The following OR1M1 variants were observed in gnomAD, a reference collection of about 807,000 sequenced individuals.
OR1M1 encodes olfactory receptor family 1 subfamily M member 1.
For missense variants in OR1M1, 397 were observed against 401.8 expected, an observed-to-expected ratio of 0.99 and a Z score of 0.10; for synonymous variants, 157 against 165.5, an observed-to-expected ratio of 0.95 and a Z score of 0.39.
At chr19:9,092,038 A>G (rs541840673) in intron 1 of OR1M1, among the ~76,000 whole-genome samples, 3 of 132,256 alleles carry the variant, frequency 2.3e-5, no homozygotes, top group Non-Finnish European at 3.1e-5. Flanking sequence ...CCTCCCGAGT[A>G]CTTGGAACTA....
At chr19:9,091,035 T>G (rs371728399) in intron 1 of OR1M1, among the ~76,000 whole-genome samples, 148 of 151,790 alleles carry the variant, frequency 9.8e-4, no homozygotes, top group African/African-American at 3.3e-3. Context: ...GGCGTGGTGG[T>G]GGGCGCCTGT....
At chr19:9,092,589 C>T (rs2050299310) in intron 1 of OR1M1, among the ~76,000 whole-genome samples, 1 of 152,082 alleles carries the variant, frequency 6.6e-6, no homozygotes, top group African/African-American at 2.4e-5. Context: ...GGTGACACAG[C>T]AAGACCCTGT....
In OR1M1 at chr19:9,094,229, C is replaced by A; in HGVS notation, c.*43C>A. The A allele has an allele frequency of 8.2e-7, 1 of 1,223,874 alleles. No individual in the cohort carries two copies. Among genetic ancestry groups the A allele is most frequent in the Non-Finnish European group, 1.2e-6 (1 of 867,546 alleles). 75.8% of individuals were successfully genotyped at this position (1,223,874 alleles called of 1,614,324 possible). A position where few individuals can be genotyped will look rare whatever the true frequency, so the allele number is the denominator to read the frequency against. On this transcript the variant is annotated 3_prime_UTR_variant, in exon 2 of 2. Transcript: ENST00000641627. The stretch of plus-strand genomic sequence containing the variant: ...CTTCTGGGGGGTAGAATATATACAT[C>A]TGGGAGTCTTGGGCTAACATCTGGA...
chr19:9,088,065 AT>A (rs957423565), intron 1 of OR1M1, among the ~76,000 whole-genome samples: 17 of 151,706 alleles, frequency 1.1e-4, no homozygotes, highest in Middle Eastern at 6.9e-3. Flanking sequence ...TAATTTTTGT[AT>A]TTTTAGTGGA....
rs1267416406 is a variant in OR1M1, at chr19:9,094,134, T to A, written c.890T>A (p.Leu297Gln). 17 of 1,613,074 alleles carry A rather than the reference T, an allele frequency of 1.1e-5. No individual in the cohort carries two copies. The East Asian group carries it at 3.3e-4, about 32-fold the overall frequency. Residue 297 changes from leucine to glutamine, a missense_variant, in exon 2 of 2, where the codon CTG becomes CAG. Physicochemically the swap from Leu to Gln is moderately radical, Grantham distance 113. Coordinates refer to ENST00000641627, the MANE Select transcript of OR1M1 (RefSeq NM_001004456.2). ...ATCTACAGCTTGAGGAACAGAGACC[T>A]GAAAGGGGCTCTCAGGAAGCTGGTC... The part of the protein sequence containing the change: ...PFIYSLRNRD[L>Q]KGALRKLVNR...
chr19:9,093,576 A>G lies in OR1M1; in HGVS notation c.332A>G (p.Asp111Gly), dbSNP rs1026943324. The change falls in exon 2 of 2, where the codon GAC becomes GGC. Residue 111 changes from aspartate to glycine, a missense_variant. Physicochemically the swap from Asp to Gly is moderately conservative, Grantham distance 94. Transcript: ENST00000641627. Reference sequence around the variant, plus strand: ...TTCTTCCATTTCTTTGGCATCGTGGACAGCGTCATAATCGCCATGATGGCT... The same window carrying G: ...TTCTTCCATTTCTTTGGCATCGTGGGCAGCGTCATAATCGCCATGATGGCT... ...MYFFHFFGIV[D>G]SVIIAMMAYD... The G allele has an allele frequency of 5.6e-6, 9 of 1,614,140 alleles. No homozygotes were observed. The highest frequency in any genetic ancestry group is 6.8e-6 in the Non-Finnish European group (8 of 1,180,036).
chr19:9,087,873 T>C (rs1193800797), intron 1 of OR1M1, among the ~76,000 whole-genome samples: 1 of 152,014 alleles, frequency 6.6e-6, no homozygotes, highest in African/African-American at 2.4e-5. Flanking sequence ...TGATTATTTG[T>C]AGCACTGTTT....
At chr19:9,090,780 GC>G (rs2050288057) in intron 1 of OR1M1, among the ~76,000 whole-genome samples, 1 of 152,002 alleles carries the variant, frequency 6.6e-6, no homozygotes, top group East Asian at 1.9e-4. Flanking sequence ...CATGAGGCTA[GC>G]TTAAGATTAG....
Position 9,093,918 on chromosome 19 carries a change from T to C in OR1M1, c.674T>C (p.Ile225Thr), listed in dbSNP as rs907677738. Residue 225 changes from isoleucine to threonine, a missense_variant, in exon 2 of 2, where the codon ATC becomes ACC. By Grantham distance (89) the Ile-to-Thr change is moderately conservative. Coordinates refer to ENST00000641627, the MANE Select transcript of OR1M1 (RefSeq NM_001004456.2). ...TCCTATGCTCGCATCCTTGTGGCCA[T>C]CATGAAGGTCCCCTCTGCAGGCGGC... ...LASYARILVA[I>T]MKVPSAGGRK... 6.2e-7 allele frequency: 1 copy of C among 1,614,152 alleles called. No homozygotes were observed.
At chr19:9,091,863 T>C (rs1037241345) in intron 1 of OR1M1, among the ~76,000 whole-genome samples, 3 of 151,952 alleles carry the variant, frequency 2.0e-5, no homozygotes, top group African/African-American at 7.3e-5. Flanking sequence ...GAGTTTGCCA[T>C]GTCAGGAAGA....
chr19:9,089,100 T>C (rs1244429493), intron 1 of OR1M1, among the ~76,000 whole-genome samples: 1 of 152,190 alleles, frequency 6.6e-6, no homozygotes, highest in African/African-American at 2.4e-5. Context: ...TATTGTTAAC[T>C]GTATTCATCC....
Position 9,093,515 on chromosome 19 carries a change from G to T in OR1M1, c.271G>T (p.Ala91Ser). The T allele has an allele frequency of 1.9e-6, 3 of 1,614,042 alleles. No individual in the cohort carries two copies. Among genetic ancestry groups the T allele is most frequent in the Non-Finnish European group, 2.5e-6 (3 of 1,180,024 alleles). ...MLVSLQTGSK[A>S]ISYPCCLIQM... ...GGTGAGCCTTCAAACCGGGAGCAAG[G>T]CCATCTCTTATCCCTGCTGCCTGAT... Residue 91 changes from alanine (A) to serine (S), a missense_variant, in exon 2 of 2, where the codon GCC (alanine) becomes TCC (serine). Coordinates refer to ENST00000641627, the MANE Select transcript of OR1M1 (RefSeq NM_001004456.2).
rs572607972 is a variant in OR1M1 at position 9,093,109 on chromosome 19, C to CACACACAT, written c.-13-122_-13-121insCACACATA. ...ACACACACACACACACACACACACACATATATATATATACACATCTGGTCT... is the reference window on the plus strand; with the variant it reads ...ACACACACACACACACACACACACACACACACATATATATATATATACACATCTGGTCT... On this transcript the variant is annotated intron_variant, in intron 1 of 1. Transcript: ENST00000641627. 2,560 of 490,218 alleles carry CACACACAT rather than the reference C, an allele frequency of 5.2e-3. 6 individuals are homozygous for CACACACAT. Among genetic ancestry groups the CACACACAT allele is most frequent in the Non-Finnish European group, 6.8e-3 (1,879 of 276,400 alleles). The allele number at this position is 490,218 out of a possible 1,614,324, so 30.4% of individuals were successfully genotyped here.
At chr19:9,090,494 C>T (rs898483481) in intron 1 of OR1M1, among the ~76,000 whole-genome samples, 1 of 152,136 alleles carries the variant, frequency 6.6e-6, no homozygotes, top group African/African-American at 2.4e-5. Context: ...GAGTTTCGCT[C>T]TTGCTGCCCA....
intron 1 of OR1M1, among the ~76,000 whole-genome samples, chr19:9,092,831 G>A (rs1227771724): frequency 6.6e-6 from 1 of 151,518 alleles, no homozygotes; most frequent in Non-Finnish European, 1.5e-5. Flanking sequence ...AACCCAGGAG[G>A]CAGAGGTTGC....
Position 9,093,370 on chromosome 19 carries a change from C to A in OR1M1, c.126C>A (p.Asn42Lys), listed in dbSNP as rs950013125. Residue 42 changes from asparagine to lysine, a missense_variant, in exon 2 of 2, where the codon AAC becomes AAA. Asn to Lys is a moderately conservative substitution (Grantham distance 94). Coordinates refer to ENST00000641627, the MANE Select transcript of OR1M1 (RefSeq NM_001004456.2). ...FCMYLVMVVG[N>K]LLIILAISID... ...TGTACCTGGTCATGGTCGTGGGGAA[C>A]CTGCTCATCATCCTGGCCATCAGCA... 6.2e-7 allele frequency: 1 copy of A among 1,613,958 alleles called. No individual in the cohort carries two copies. Among genetic ancestry groups the A allele is most frequent in the South Asian group, 1.1e-5 (1 of 91,080 alleles).
In OR1M1 at chr19:9,093,660, G is replaced by A. The variant is rs772434948; in HGVS notation, c.416G>A (p.Arg139His). 17 of 1,613,982 alleles carry A rather than the reference G, an allele frequency of 1.1e-5. No homozygotes were observed. Among genetic ancestry groups the A allele is most frequent in the Admixed American group, 1.7e-5 (1 of 59,996 alleles). Residue 139 changes from arginine to histidine, a missense_variant, in exon 2 of 2, where the codon CGC becomes CAC. Transcript: ENST00000641627. Reference sequence around the variant, plus strand: ...CACTACGCCAAGATCATGAGCCTACGCCTCTGTCGCCTGCTGGTCGGCGCC... The same window carrying A: ...CACTACGCCAAGATCATGAGCCTACACCTCTGTCGCCTGCTGGTCGGCGCC... Reference protein sequence around the residue: ...PLHYAKIMSLRLCRLLVGALW... With the variant: ...PLHYAKIMSLHLCRLLVGALW...
chr19:9,088,941 T>C (rs2050278649), intron 1 of OR1M1, among the ~76,000 whole-genome samples: 1 of 152,180 alleles, frequency 6.6e-6, no homozygotes, highest in African/African-American at 2.4e-5. Context: ...TTGTATATAT[T>C]TATGAGGTAC....
At position 9,094,297 on chromosome 19, in the gene OR1M1, T is replaced by C. The variant is rs947771414; in HGVS notation, c.*111T>C. ...GTAGGCACTTTGAATTTTATTATTA[T>C]TATTATTATTTAGAGATGGGGTCTC... On this transcript the variant is annotated 3_prime_UTR_variant, in exon 2 of 2. Coordinates refer to ENST00000641627, the MANE Select transcript of OR1M1 (RefSeq NM_001004456.2). 4 of 622,540 alleles carry C rather than the reference T, an allele frequency of 6.4e-6. No homozygotes were observed. The highest frequency in any genetic ancestry group is 1.1e-5 in the Non-Finnish European group (4 of 363,896). The allele number at this position is 622,540 out of a possible 1,614,324, so 38.6% of individuals were successfully genotyped here.
Sources: allele counts gnomAD v4.1 joint callset (sites outside exome capture counted in the v4.1 genomes callset), GRCh38; gene constraint gnomAD v4.1.1; transcripts MANE v1.5; gene names NCBI Gene and HGNC (gene_info 2026-07-23, HGNC 2026-07-21).